The following NFATC3 variants were observed in gnomAD, a reference collection of about 807,000 sequenced individuals.
NFATC3 encodes the protein nuclear factor of activated T-cells, cytoplasmic 3.
Under a neutral mutation model 98.6 loss-of-function variants are expected in NFATC3, and 46 were observed. That is an observed-to-expected ratio of 0.47 (90% CI 0.37 to 0.60). The LOEUF (loss-of-function observed/expected upper bound fraction) is 0.60, where lower values mean the gene tolerates loss of function less well. Among genes scored for constraint, NFATC3 ranks in the 20% least tolerant of loss-of-function variants. NFATC3 has a pLI of 0.00. For synonymous variants in NFATC3, 512 were observed against 472.2 expected, an observed-to-expected ratio of 1.08 and a Z score of -1.09; for missense variants, 1,256 against 1,295.5, an observed-to-expected ratio of 0.97 and a Z score of 0.47.
intron 4 of NFATC3, among the ~76,000 whole-genome samples, chr16:68,161,388 A>T (rs531637700): frequency 1.3e-5 from 2 of 152,344 alleles, no homozygotes; most frequent in South Asian, 4.1e-4. Flanking sequence ...TCACAAGTTT[A>T]TTCTGTTACT....
At chr16:68,172,375 A>G (rs2039506410) in intron 5 of NFATC3, among the ~76,000 whole-genome samples, 1 of 152,200 alleles carries the variant, frequency 6.6e-6, no homozygotes, top group African/African-American at 2.4e-5. Flanking sequence ...GTAAAAGTGG[A>G]CCTGTTTTCC....
intron 3 of NFATC3, among the ~76,000 whole-genome samples, chr16:68,134,177 T>C (rs1258986209): frequency 6.6e-6 from 1 of 152,348 alleles, no homozygotes; most frequent in African/African-American, 2.4e-5. Flanking sequence ...TGGATATCTT[T>C]CATGAAGTGT....
chr16:68,148,372 T>G (rs1866118304), intron 3 of NFATC3, among the ~76,000 whole-genome samples: 2 of 152,160 alleles, frequency 1.3e-5, no homozygotes, highest in Non-Finnish European at 2.9e-5. Flanking sequence ...TATGGAATAG[T>G]TTCCATAATT....
At chr16:68,132,379 A>C (rs939812999) in intron 3 of NFATC3, among the ~76,000 whole-genome samples, 1 of 152,232 alleles carries the variant, frequency 6.6e-6, no homozygotes, top group Admixed American at 6.5e-5. Context: ...TTCATCCATC[A>C]GGAAGAGTAA....
At chr16:68,162,948 T>C (rs1174656407) in intron 4 of NFATC3, among the ~76,000 whole-genome samples, 1 of 150,280 alleles carries the variant, frequency 6.7e-6, no homozygotes, top group Admixed American at 6.6e-5. Flanking sequence ...TGATGACTCT[T>C]AACAACGAGC....
At chr16:68,135,055 T>A (rs768760958) in intron 3 of NFATC3, among the ~76,000 whole-genome samples, 2 of 152,166 alleles carry the variant, frequency 1.3e-5, no homozygotes, top group Non-Finnish European at 2.9e-5. Flanking sequence ...CTCCAGGTTC[T>A]CATTTTTTGG....
At chr16:68,162,317 C>G (rs1339276709) in intron 4 of NFATC3, among the ~76,000 whole-genome samples, 2 of 152,146 alleles carry the variant, frequency 1.3e-5, no homozygotes, top group East Asian at 1.9e-4. Flanking sequence ...TAGCTAATTG[C>G]TAGGATAAAC....
At chr16:68,213,819 A>G (rs2041520657) in intron 9 of NFATC3, among the ~76,000 whole-genome samples, 1 of 151,918 alleles carries the variant, frequency 6.6e-6, no homozygotes, top group African/African-American at 2.4e-5. Flanking sequence ...ACAGAGTGAG[A>G]CTCCATCTCA....
chr16:68,093,201 C>T (rs1280668328), intron 1 of NFATC3, among the ~76,000 whole-genome samples: 1 of 152,206 alleles, frequency 6.6e-6, no homozygotes, highest in African/African-American at 2.4e-5. Flanking sequence ...AACGTGTTCA[C>T]CAAAGACTTT....
At chr16:68,145,984 A>T (rs955765117) in intron 3 of NFATC3, among the ~76,000 whole-genome samples, 3 of 152,074 alleles carry the variant, frequency 2.0e-5, no homozygotes, top group Admixed American at 1.3e-4. Context: ...TGCAGGGTAC[A>T]TGGGGCTATA....
rs374273785 is a variant in NFATC3, at chr16:68,122,128, G to T, written c.245G>T (p.Ser82Ile). The T allele has an allele frequency of 1.2e-6, 2 of 1,613,898 alleles. No homozygotes were observed. Among genetic ancestry groups the T allele is most frequent in the African/African-American group, 2.7e-5 (2 of 74,882 alleles). Reference protein sequence around the residue: ...SVLSPSFQLQSHKNYEGTCEI... With the variant: ...SVLSPSFQLQIHKNYEGTCEI... ...TTGTCACCATCGTTTCAGCTCCAAA[G>T]TCACAAAAACTATGAAGGAACTTGT... The change falls in exon 2 of 10, where the codon AGT (serine) becomes ATT (isoleucine). Residue 82 changes from serine to isoleucine, a missense_variant. Ser to Ile is a moderately radical substitution (Grantham distance 142). This residue lies in a region of NFATC3 where 464 missense variants were observed against 465.7 expected (regional missense o/e 1.00). Transcript: ENST00000346183.
rs1490841938 is a variant in NFATC3 at position 68,211,516 on chromosome 16, G to T, written c.3107-14834G>T. Among the ~76,000 whole-genome samples the T allele has an allele frequency of 1.7e-5, 2 of 117,034 alleles. 1 individual carries two copies. The highest frequency in any genetic ancestry group is 5.5e-5 in the African/African-American group (2 of 36,182). The allele number at this position is 117,034 out of a possible 152,430, so 76.8% of individuals were successfully genotyped here. On this transcript the variant is annotated intron_variant, in intron 9 of 9. Transcript: ENST00000346183. ...TCTTCTTCTGTAAATGTTTTTTGTT[G>T]TTGTTGTTGTTGTTGTTGTTGTTTG...
At chr16:68,128,789 C>T (rs756195245) in intron 3 of NFATC3, among the ~76,000 whole-genome samples, 3 of 151,928 alleles carry the variant, frequency 2.0e-5, no homozygotes, top group Non-Finnish European at 4.4e-5. Flanking sequence ...ATAGCCACTG[C>T]ACTCTAGCCT....
intron 4 of NFATC3, among the ~76,000 whole-genome samples, chr16:68,161,692 A>C (rs140177995): frequency 1.3e-5 from 2 of 152,352 alleles, no homozygotes; most frequent in Admixed American, 6.5e-5. Flanking sequence ...AGTAATTTGT[A>C]CAACTCTAGA....
chr16:68,138,249 A>G (rs2037552560), intron 3 of NFATC3, among the ~76,000 whole-genome samples: 1 of 151,514 alleles, frequency 6.6e-6, no homozygotes, highest in Non-Finnish European at 1.5e-5. Context: ...CATGTTGGCC[A>G]GGCTAGTCTC....
Position 68,226,477 on chromosome 16 carries a change from C to A in NFATC3, c.*6C>A. 1 of 1,499,682 alleles carries A rather than the reference C, an allele frequency of 6.7e-7. No homozygotes were observed. Among genetic ancestry groups the A allele is most frequent in the South Asian group, 1.4e-5 (1 of 73,742 alleles). The allele number at this position is 1,499,682 out of a possible 1,614,324, so 92.9% of individuals were successfully genotyped here. ...GAAGATCTGATGGGCTCTAACAGTG[C>A]TTACTGCAGCCTTGTGTCCACCACC... On this transcript the variant is annotated 3_prime_UTR_variant, in exon 10 of 10. Coordinates refer to ENST00000346183, the MANE Select transcript of NFATC3 (RefSeq NM_173165.3).
Position 68,176,222 on chromosome 16 carries a change from C to T in NFATC3, c.1915+1708C>T, listed in dbSNP as rs138565411. ...CTAACTCCTGACCTCACGATCCACC[C>T]GTCTCGGCCTCCCAAAGTGCTGGAA... On this transcript the variant is annotated intron_variant, in intron 6 of 9. Transcript: ENST00000346183. 2.2e-4 allele frequency among the ~76,000 whole-genome samples: 33 copies of T among 152,288 alleles called. 1 individual carries two copies. In the East Asian group the frequency reaches 4.2e-3, roughly 20 times the overall value.
At chr16:68,222,289 C>CCAAAAAA (rs1372339245) in intron 9 of NFATC3, among the ~76,000 whole-genome samples, 1 of 26,404 alleles carries the variant, frequency 3.8e-5, no homozygotes, top group African/African-American at 9.3e-5. Context: ...ACCCCATTGC[C>CCAAAAAA]AAAAAAAAAA....
intron 1 of NFATC3, chr16:68,085,998 C>G (rs187464073): frequency 4.5e-6 from 2 of 443,874 alleles, no homozygotes; most frequent in Non-Finnish European, 8.0e-6. Context: ...TGGCTGGAAG[C>G]AAACTAGTGG....
Sources: gnomAD v4.1 joint callset for allele counts (sites outside exome capture counted in the v4.1 genomes callset) on GRCh38, gnomAD v4.1.1 for gene constraint, gnomAD v4.1.1 regional missense constraint, MANE v1.5 for transcripts, NCBI Gene and HGNC (gene_info 2026-07-23, HGNC 2026-07-21) for gene names.